The following SWAP70 variants were observed in gnomAD, a reference collection of about 807,000 sequenced individuals.
SWAP70 encodes switching B cell complex subunit SWAP70.
SWAP70 carries 34 observed loss-of-function variants against 80.2 expected under a neutral mutation model. That is an observed-to-expected ratio of 0.42 (90% CI 0.32 to 0.56). SWAP70 has a LOEUF of 0.56. Ranked by LOEUF, SWAP70 falls within the 20% of genes least tolerant of loss-of-function variation. The pLI is 0.09. For synonymous variants in SWAP70, 239 were observed against 238.5 expected (o/e 1.00, Z -0.02); for missense variants, 578 against 690.7 (o/e 0.84, Z 1.83).
intron 3 of SWAP70, among the ~76,000 whole-genome samples, chr11:9,718,075 T>C (rs903242909): frequency 6.6e-6 from 1 of 152,248 alleles, no homozygotes; most frequent in African/African-American, 2.4e-5. Context: ...CAGCCAAGGC[T>C]CCTGGCATGT....
rs775413156 is a variant in SWAP70, at chr11:9,732,570, C to G, written c.940C>G (p.Pro314Ala). Residue 314 changes from proline to alanine, a missense_variant, in exon 7 of 12, where the codon CCA becomes GCA. Pro to Ala is a conservative substitution (Grantham distance 27). Coordinates refer to ENST00000318950, the MANE Select transcript of SWAP70 (RefSeq NM_015055.4). ...TCATCTGTTGAAGCTGGGCAGCCCT[C>G]CACCACACAAAGAAGCCCGCCAGCG... Reference protein sequence around the residue: ...TIHLLKLGSPPPHKEARQRRK... With the variant: ...TIHLLKLGSPAPHKEARQRRK... The G allele has an allele frequency of 6.2e-7, 1 of 1,606,918 alleles. No homozygotes were observed. The highest frequency in any genetic ancestry group is 8.5e-7 in the Non-Finnish European group (1 of 1,176,006).
In SWAP70 at chr11:9,724,689, C is replaced by T. The variant is rs1406669347; in HGVS notation, c.446C>T (p.Ala149Val). The T allele has an allele frequency of 6.2e-7, 1 of 1,613,790 alleles. No homozygotes were observed. The highest frequency in any genetic ancestry group is 1.7e-5 in the Admixed American group (1 of 59,994). Residue 149 changes from alanine to valine, a missense_variant, in exon 4 of 12, where the codon GCT becomes GTT. Transcript: ENST00000318950. The part of the protein sequence containing the change: ...IEYLLKKLTE[A>V]MGGGWQQEQF... ...TACCTGCTTAAGAAGCTTACAGAAG[C>T]TATGGGAGGAGGTTGGCAGCAAGAA...
At chr11:9,746,649 G>A (rs1171048847) in intron 9 of SWAP70, among the ~76,000 whole-genome samples, 2 of 152,194 alleles carry the variant, frequency 1.3e-5, no homozygotes. Context: ...TTCTCAACAG[G>A]CAACAAAGCT....
chr11:9,732,910 C>T (rs750093394), intron 7 of SWAP70, among the ~76,000 whole-genome samples, 200 bp downstream of exon 7: 2 of 152,052 alleles, frequency 1.3e-5, no homozygotes, highest in Non-Finnish European at 2.9e-5. Flanking sequence ...ATGTTGATCT[C>T]GGCAGCAAAA....
intron 1 of SWAP70, among the ~76,000 whole-genome samples, chr11:9,666,334 C>T (rs1314774636): frequency 1.3e-5 from 2 of 151,976 alleles, no homozygotes; most frequent in African/African-American, 2.4e-5. Flanking sequence ...GATCTGCCCT[C>T]CTTGGTTTCA....
chr11:9,702,756 A>G (rs1007721503), intron 2 of SWAP70, among the ~76,000 whole-genome samples: 8 of 152,212 alleles, frequency 5.3e-5, no homozygotes, highest in African/African-American at 1.9e-4. Flanking sequence ...GCAATGACTA[A>G]GTTGGACTCT....
intron 2 of SWAP70, chr11:9,703,331 CA>C (rs1850857209): frequency 2.2e-6 from 1 of 455,930 alleles, no homozygotes; most frequent in Non-Finnish European, 4.4e-6. Context: ...TTCAGTTCAT[CA>C]GTTGTTGGAC....
At chr11:9,720,102 C>A (rs1590036966) in intron 3 of SWAP70, 1 of 985,200 alleles carries the variant, frequency 1.0e-6, no homozygotes, top group South Asian at 4.7e-5. Flanking sequence ...AAAACGGCAA[C>A]ACATGATTTA....
chr11:9,722,442 T>C (rs1851151549), intron 3 of SWAP70, among the ~76,000 whole-genome samples: 1 of 152,232 alleles, frequency 6.6e-6, no homozygotes, highest in Non-Finnish European at 1.5e-5. Context: ...AGAGCAGGTT[T>C]GCTAAAGCAG....
Position 9,750,520 on chromosome 11 carries a change from C to T in SWAP70, c.*550C>T, listed in dbSNP as rs1392236139. ...AACATTGTCAAGCTGTTTGTTTACT[C>T]TTTCTTTGAAAACATCACCTTCTGA... is the stretch of plus-strand genomic sequence containing the variant. On this transcript the variant is annotated 3_prime_UTR_variant, in exon 12 of 12. Coordinates refer to ENST00000318950, the MANE Select transcript of SWAP70 (RefSeq NM_015055.4). The T allele has an allele frequency of 6.6e-6, 1 of 152,374 alleles. No individual in the cohort carries two copies. Among genetic ancestry groups the T allele is most frequent in the East Asian group, 1.9e-4 (1 of 5,204 alleles). The allele number at this position is 152,374 out of a possible 1,614,324, so 9.4% of individuals were successfully genotyped here.
In SWAP70 at chr11:9,686,418, C is replaced by T. The variant is rs115150228; in HGVS notation, c.100-7728C>T. ...CTCAGTTGCCAGAGCTGGAGTACAG[C>T]GGCACCATCACGACTCACTGCAGCC... On this transcript the variant is annotated intron_variant, in intron 1 of 11. Coordinates refer to ENST00000318950, the MANE Select transcript of SWAP70 (RefSeq NM_015055.4). Among the ~76,000 whole-genome samples the T allele has an allele frequency of 3.3e-3, 502 of 151,254 alleles. 1 individual carries two copies. The highest frequency in any genetic ancestry group is 0.01 in the African/African-American group (432 of 41,246).
chr11:9,708,613 TG>T (rs1850954071), intron 2 of SWAP70, among the ~76,000 whole-genome samples: 1 of 152,220 alleles, frequency 6.6e-6, no homozygotes, highest in Non-Finnish European at 1.5e-5. Flanking sequence ...GTCTTATATT[TG>T]CTTTTCCAGC....
At chr11:9,689,846 C>A (rs1200101214) in intron 1 of SWAP70, among the ~76,000 whole-genome samples, 2 of 152,184 alleles carry the variant, frequency 1.3e-5, no homozygotes, top group Admixed American at 1.3e-4. Context: ...TGAATAGTGC[C>A]TGTCATCTCT....
intron 1 of SWAP70, among the ~76,000 whole-genome samples, chr11:9,671,518 A>AAAAG (rs1850389184): frequency 1.6e-5 from 1 of 62,152 alleles, no homozygotes; most frequent in Non-Finnish European, 3.0e-5. Flanking sequence ...ATAAATATAT[A>AAAAG]TATAAATATA....
chr11:9,699,209 G>A (rs1850800118), intron 2 of SWAP70, among the ~76,000 whole-genome samples: 1 of 151,900 alleles, frequency 6.6e-6, no homozygotes, highest in Admixed American at 6.6e-5. Context: ...TTTCTTTTAG[G>A]GATGATGAAA....
intron 10 of SWAP70, among the ~76,000 whole-genome samples, chr11:9,748,799 T>G (rs770968192): frequency 6.6e-6 from 1 of 152,202 alleles, no homozygotes. Flanking sequence ...CATACACCCA[T>G]TGTAATTCGT....
intron 1 of SWAP70, among the ~76,000 whole-genome samples, chr11:9,684,389 G>T (rs1218648000): frequency 6.6e-6 from 1 of 152,148 alleles, no homozygotes; most frequent in Non-Finnish European, 1.5e-5. Context: ...CAGATTTGTG[G>T]TCTTTGTCAC....
At chr11:9,670,265 C>T (rs760448702) in intron 1 of SWAP70, among the ~76,000 whole-genome samples, 3 of 152,026 alleles carry the variant, frequency 2.0e-5, no homozygotes, top group Non-Finnish European at 2.9e-5. Flanking sequence ...GGGAGGAGGA[C>T]GGGAAAGGAC....
chr11:9,701,772 T>C (rs12794270), intron 2 of SWAP70, among the ~76,000 whole-genome samples: 36,163 of 148,032 alleles, frequency 0.24, 5,780 homozygotes, highest in Non-Finnish European at 0.36. Context: ...AAGTGGTATA[T>C]TACTACCTTC....
Sources: allele counts gnomAD v4.1 joint callset (sites outside exome capture counted in the v4.1 genomes callset), GRCh38; gene constraint gnomAD v4.1.1; transcripts MANE v1.5; gene names NCBI Gene and HGNC (gene_info 2026-07-23, HGNC 2026-07-21).